Variants in SLC39A8 observed in about 807,000 individuals in gnomAD.
The protein encoded by SLC39A8 is solute carrier family 39 member 8, also known as metal cation symporter ZIP8.
SLC39A8 carries 15 observed loss-of-function variants against 40.4 expected under a neutral mutation model. The ratio of observed to expected loss-of-function variants is 0.37; its 90% CI spans 0.25 to 0.57. The LOEUF (loss-of-function observed/expected upper bound fraction) is 0.57, where lower values mean the gene tolerates loss of function less well. Ranked by LOEUF, SLC39A8 falls within the 20% of genes least tolerant of loss-of-function variation. The pLI is 0.75. For missense variants in SLC39A8, 472 were observed against 558.8 expected (o/e 0.84, Z 1.57); for synonymous variants, 223 against 221.6 (o/e 1.01, Z -0.06).
At chr4:102,296,109 T>C (rs1268497445) in intron 6 of SLC39A8, among the ~76,000 whole-genome samples, 5 of 152,124 alleles carry the variant, frequency 3.3e-5, no homozygotes, top group Non-Finnish European at 7.4e-5. Flanking sequence ...GGCAGGCTTG[T>C]GGGCATTTAT....
intron 2 of SLC39A8, among the ~76,000 whole-genome samples, chr4:102,335,881 T>C (rs911965026): frequency 1.3e-5 from 2 of 152,172 alleles, no homozygotes; most frequent in Non-Finnish European, 2.9e-5. Context: ...TTTTCATTAA[T>C]TCTTGCTGTC....
chr4:102,253,419 T>A, exon 12 of SLC39A8: 1 of 716,562 alleles, frequency 1.4e-6, no homozygotes, highest in South Asian at 1.5e-5. Flanking sequence ...GATAATGAAA[T>A]TACTACCTTG....
chr4:102,304,669 G>T (rs1446411474), intron 5 of SLC39A8, among the ~76,000 whole-genome samples, 188 bp from the exon 6 acceptor site: 1 of 151,146 alleles, frequency 6.6e-6, no homozygotes, highest in East Asian at 1.9e-4. Context: ...AGATTCTGCT[G>T]TTACTGTTTG....
chr4:102,320,203 G>GTA (rs1181926915), intron 2 of SLC39A8, among the ~76,000 whole-genome samples: 33 of 121,772 alleles, frequency 2.7e-4, no homozygotes, highest in Non-Finnish European at 3.5e-4. Context: ...ATATATATAT[G>GTA]TATATATATA....
Position 102,339,463 on chromosome 4 carries a change from T to A in SLC39A8, c.219+4981A>T, listed in dbSNP as rs188634986. Among the ~76,000 whole-genome samples, 112 of 152,272 alleles carry A rather than the reference T, an allele frequency of 7.4e-4. 1 individual carries two copies. The highest frequency in any genetic ancestry group is 1.2e-3 in the Non-Finnish European group (80 of 68,024). ...GACAACAGGCAATGCAAAAAACATG[T>A]TTGCAGTATCCACACACATACATAC... On this transcript the variant is annotated intron_variant, in intron 2 of 8. Transcript: ENST00000356736.
At chr4:102,295,324 A>G (rs1432302696) in intron 6 of SLC39A8, among the ~76,000 whole-genome samples, 1 of 151,852 alleles carries the variant, frequency 6.6e-6, no homozygotes, top group South Asian at 2.1e-4. Context: ...TTAAAATTAT[A>G]AACTCCACAA....
At chr4:102,310,458 A>G (rs1008163138) in intron 3 of SLC39A8, among the ~76,000 whole-genome samples, 1 of 152,182 alleles carries the variant, frequency 6.6e-6, no homozygotes, top group African/African-American at 2.4e-5. Flanking sequence ...AAAAGCACAC[A>G]TTCCTTGCTG....
chr4:102,262,820 T>A lies in SLC39A8; in HGVS notation c.*224A>T. The A allele has an allele frequency of 1.5e-6, 2 of 1,297,908 alleles. No individual in the cohort carries two copies. The highest frequency in any genetic ancestry group is 4.5e-5 in the South Asian group (2 of 44,224). The allele number at this position is 1,297,908 out of a possible 1,614,324, so 80.4% of individuals were successfully genotyped here. A position where few individuals can be genotyped will look rare whatever the true frequency, so the allele number is the denominator to read the frequency against. ...TGAAAAATAGGTATTTCCCAAAGGC[T>A]CCTATATACCAGGCATCTCAGACTG... On this transcript the variant is annotated 3_prime_UTR_variant, in exon 9 of 9. Transcript: ENST00000356736.
At chr4:102,256,365 A>C (rs1448812186) in intron 11 of SLC39A8, among the ~76,000 whole-genome samples, 1 of 152,216 alleles carries the variant, frequency 6.6e-6, no homozygotes, top group Non-Finnish European at 1.5e-5. Context: ...AAACAATCAT[A>C]AAAATATATT....
chr4:102,343,902 T>C (rs544236116), intron 2 of SLC39A8, among the ~76,000 whole-genome samples: 1 of 152,288 alleles, frequency 6.6e-6, no homozygotes, highest in African/African-American at 2.4e-5. Context: ...ATGACCAAAT[T>C]AGAATCTTAG....
intron 2 of SLC39A8, among the ~76,000 whole-genome samples, chr4:102,325,250 C>A (rs915403272): frequency 6.6e-6 from 1 of 152,122 alleles, no homozygotes; most frequent in African/African-American, 2.4e-5. Context: ...AAAATAATCT[C>A]TAGGTTTAAG....
rs1250534053 is a variant in SLC39A8, at chr4:102,262,874, A to G, written c.*170T>C. On this transcript the variant is annotated 3_prime_UTR_variant, in exon 9 of 9. Transcript: ENST00000356736. ...CTGAAAACCTTTTGAAGCATTTTTA[A>G]CAACAAATAATGGACTATTTCACAG... is the stretch of plus-strand genomic sequence containing the variant. 30 of 1,373,724 alleles carry G rather than the reference A, an allele frequency of 2.2e-5. No homozygotes were observed. Among genetic ancestry groups the G allele is most frequent in the Non-Finnish European group, 2.6e-5 (28 of 1,066,788 alleles). The allele number at this position is 1,373,724 out of a possible 1,614,324, so 85.1% of individuals were successfully genotyped here.
downstream of SLC39A8, among the ~76,000 whole-genome samples, chr4:102,260,560 G>C (rs750598311): frequency 6.6e-6 from 1 of 152,182 alleles, no homozygotes; most frequent in Non-Finnish European, 1.5e-5. Flanking sequence ...TCTTGAAGGT[G>C]GGAGTCACAA....
chr4:102,251,768 C>G (rs1191494725), exon 12 of SLC39A8: 1 of 152,216 alleles, frequency 6.6e-6, no homozygotes, highest in Non-Finnish European at 1.5e-5. Context: ...AAGGTCTATA[C>G]AGAATTCTCT....
intron 2 of SLC39A8, among the ~76,000 whole-genome samples, chr4:102,336,214 T>C (rs1345968137): frequency 6.6e-6 from 1 of 152,236 alleles, no homozygotes; most frequent in Non-Finnish European, 1.5e-5. Context: ...ATATTGTTCT[T>C]ATTTTCTAGT....
chr4:102,319,418 C>T (rs1184818377), intron 2 of SLC39A8, among the ~76,000 whole-genome samples: 2 of 152,036 alleles, frequency 1.3e-5, no homozygotes, highest in Non-Finnish European at 2.9e-5. Flanking sequence ...TGAGCCCAGG[C>T]CTCGACCCTA....
intron 6 of SLC39A8, among the ~76,000 whole-genome samples, chr4:102,295,123 TATATA>T (rs1306709134): frequency 6.7e-6 from 1 of 148,232 alleles, no homozygotes; most frequent in Non-Finnish European, 1.5e-5. Context: ...TACATATTAA[TATATA>T]ATATAAAACT....
At chr4:102,260,349 C>G (rs1373684634), downstream of SLC39A8, among the ~76,000 whole-genome samples, 1 of 152,154 alleles carries the variant, frequency 6.6e-6, no homozygotes, top group Non-Finnish European at 1.5e-5. Flanking sequence ...CTCAGCTTCT[C>G]CTGAAGATTG....
intron 11 of SLC39A8, chr4:102,253,495 C>T: frequency 1.5e-6 from 1 of 683,032 alleles, no homozygotes; most frequent in East Asian, 2.8e-5. Flanking sequence ...TTTCCGTAAT[C>T]TTTCAGTCCT....
Sources: gnomAD v4.1 joint callset for allele counts (sites outside exome capture counted in the v4.1 genomes callset) on GRCh38, gnomAD v4.1.1 for gene constraint, MANE v1.5 for transcripts, NCBI Gene and HGNC (gene_info 2026-07-23, HGNC 2026-07-21) for gene names.